PXDC1: variants seen among roughly 807,000 people sequenced by gnomAD.
The protein encoded by PXDC1 is PX domain containing 1, also known as PX domain-containing protein 1.
PXDC1 carries 13 observed loss-of-function variants against 24.4 expected under a neutral mutation model. The observed-to-expected ratio is 0.53, with a 90% confidence interval of 0.35 to 0.85. The LOEUF is 0.85. Ranked by LOEUF, PXDC1 falls within the 40% of genes least tolerant of loss-of-function variation. The pLI, the probability that PXDC1 is intolerant of heterozygous loss-of-function variation, is 0.01. For missense variants in PXDC1, 344 were observed against 309.3 expected, an observed-to-expected ratio of 1.11 and a Z score of -0.84; for synonymous variants, 162 against 124.9, an observed-to-expected ratio of 1.30 and a Z score of -1.98.
intron 1 of PXDC1, chr6:3,739,176 A>G: frequency 9.2e-7 from 1 of 1,081,336 alleles, no homozygotes; most frequent in East Asian, 6.7e-5. Context: ...AAGAGAGATA[A>G]AAAAAGATTT....
At chr6:3,750,810 C>G (rs1436929312) in intron 1 of PXDC1, among the ~76,000 whole-genome samples, 3 of 152,148 alleles carry the variant, frequency 2.0e-5, no homozygotes, top group Non-Finnish European at 4.4e-5. Flanking sequence ...GCGGGGAGAA[C>G]TCGGGGCGGC....
intron 1 of PXDC1, among the ~76,000 whole-genome samples, chr6:3,750,840 C>G (rs1341353156): frequency 6.6e-6 from 1 of 152,002 alleles, no homozygotes; most frequent in Non-Finnish European, 1.5e-5. Context: ...CGACGCGACC[C>G]CCGGCTCGGA....
rs1008042114 is a variant in PXDC1 at position 3,738,702 on chromosome 6, T to C, written c.257-554A>G. 8.2e-6 allele frequency: 9 copies of C among 1,101,802 alleles called. No individual in the cohort carries two copies. In the African/African-American group the frequency reaches 1.1e-4, roughly 14 times the overall value. 68.3% of individuals were successfully genotyped at this position (1,101,802 alleles called of 1,614,324 possible). ...ACAAAACCAAAGTGGACACGACTCA[T>C]GCCACTTTCCAGGAATCTGGGCCTC... On this transcript the variant is annotated intron_variant, in intron 1 of 4. Transcript: ENST00000380283.
chr6:3,750,911 G>A (rs1051820467), intron 1 of PXDC1, among the ~76,000 whole-genome samples: 19 of 152,038 alleles, frequency 1.2e-4, no homozygotes, highest in African/African-American at 4.3e-4. Context: ...CCCTCGGGAG[G>A]TACCGGGCAG....
At chr6:3,730,305 G>A (rs549965272) in intron 3 of PXDC1, among the ~76,000 whole-genome samples, 51 of 152,278 alleles carry the variant, frequency 3.3e-4, no homozygotes, top group African/African-American at 1.1e-3. Flanking sequence ...GCAACCTCTG[G>A]AACATTTATT....
chr6:3,739,805 A>G (rs2127600830), intron 1 of PXDC1, among the ~76,000 whole-genome samples: 1 of 152,348 alleles, frequency 6.6e-6, no homozygotes, highest in Non-Finnish European at 1.5e-5. Flanking sequence ...CGCAATTTAC[A>G]TAGAATTTCA....
intron 3 of PXDC1, among the ~76,000 whole-genome samples, chr6:3,735,434 A>G (rs1760292447): frequency 1.3e-5 from 2 of 152,276 alleles, no homozygotes; most frequent in African/African-American, 2.4e-5. Context: ...CAGCCATTAA[A>G]AAGAATGAAA....
In PXDC1 at chr6:3,751,286, C is replaced by T. The variant is rs765927477; in HGVS notation, c.246G>A (p.Pro82=). Residue 82 remains proline (P), a synonymous_variant, in exon 1 of 5, where the codon CCG becomes CCA. Transcript: ENST00000380283. ...TCCCCGGCCCCGCACCTTGCCGCAG[C>T]GGCCCCTGCGCCAGTTCGGACCGGT... The part of the protein sequence containing the change: ...PEDRSELAQG[P]LRQGLVAIKE... 4 of 1,520,016 alleles carry T rather than the reference C, an allele frequency of 2.6e-6. No homozygotes were observed. Among genetic ancestry groups the T allele is most frequent in the South Asian group, 1.2e-5 (1 of 82,092 alleles). The allele number at this position is 1,520,016 out of a possible 1,614,324, so 94.2% of individuals were successfully genotyped here.
rs1326402254 is a variant in PXDC1, at chr6:3,751,183, G to C, written c.256+93C>G. The C allele has an allele frequency of 5.0e-6, 5 of 1,003,190 alleles. No individual in the cohort carries two copies. In the Admixed American group the frequency reaches 1.4e-4, roughly 29 times the overall value. The allele number at this position is 1,003,190 out of a possible 1,614,324, so 62.1% of individuals were successfully genotyped here. A position where few individuals can be genotyped will look rare whatever the true frequency, so the allele number is the denominator to read the frequency against. On this transcript the variant is annotated intron_variant, in intron 1 of 4. Coordinates refer to ENST00000380283, the MANE Select transcript of PXDC1 (RefSeq NM_183373.4). ...TGTCCAGGGCGGGCAGAAAGGAGAA[G>C]TCGCAATCTCGGTTGAAGTCTCTTC...
chr6:3,735,914 T>TA (rs1760306499), intron 3 of PXDC1, among the ~76,000 whole-genome samples: 1 of 151,520 alleles, frequency 6.6e-6, no homozygotes, highest in Non-Finnish European at 1.5e-5. Flanking sequence ...AACAAAAAAG[T>TA]AAAAAACAAA....
intron 4 of PXDC1, among the ~76,000 whole-genome samples, chr6:3,726,280 A>C (rs1385536369): frequency 6.6e-6 from 1 of 152,206 alleles, no homozygotes; most frequent in Non-Finnish European, 1.5e-5. Context: ...ACTACACTCC[A>C]GCCTTGTACC....
At chr6:3,727,495 A>G in intron 4 of PXDC1, 56 bp downstream of exon 4, 2 of 1,293,624 alleles carry the variant, frequency 1.5e-6, no homozygotes, top group East Asian at 2.3e-5. Context: ...CCCCCATCCC[A>G]CAAGGCAAAT....
rs3832387 is a variant in PXDC1, at chr6:3,722,910, GA to G, written c.*708del. The G allele has an allele frequency of 0.49, 74,413 of 151,946 alleles. 20,070 individuals are homozygous for G. The highest frequency in any genetic ancestry group is 0.61 in the Non-Finnish European group (41,308 of 67,978). The allele number at this position is 151,946 out of a possible 1,614,324, so 9.4% of individuals were successfully genotyped here. On this transcript the variant is annotated 3_prime_UTR_variant, in exon 5 of 5. Coordinates refer to ENST00000380283, the MANE Select transcript of PXDC1 (RefSeq NM_183373.4). ...AAGGCCCAGAGACCTGGCAGGCCGG[GA>G]AGAAATTCCTTTCCTTTGGGAAGAA...
rs575889639 is a variant in PXDC1 at position 3,751,588 on chromosome 6, G to A, written c.-57C>T. On this transcript the variant is annotated 5_prime_UTR_variant, in exon 1 of 5. Coordinates refer to ENST00000380283, the MANE Select transcript of PXDC1 (RefSeq NM_183373.4). ...AGCCCCGCCGCCCGCCCGCCCGCAG[G>A]AGGCGCGCCCCGGCCGGGGTCGTCC... The A allele has an allele frequency of 1.4e-6, 2 of 1,441,206 alleles. No homozygotes were observed. The highest frequency in any genetic ancestry group is 1.5e-5 in the African/African-American group (1 of 67,120). 89.3% of individuals were successfully genotyped at this position (1,441,206 alleles called of 1,614,324 possible). A position where few individuals can be genotyped will look rare whatever the true frequency, so the allele number is the denominator to read the frequency against.
At chr6:3,745,797 A>C (rs1436849827) in intron 1 of PXDC1, among the ~76,000 whole-genome samples, 1 of 152,298 alleles carries the variant, frequency 6.6e-6, no homozygotes, top group Non-Finnish European at 1.5e-5. Flanking sequence ...TATGAACTGC[A>C]AGCTCTTCCC....
In PXDC1 at chr6:3,723,375, G is replaced by A. The variant is rs79944865; in HGVS notation, c.*244C>T. ...ACCAAGCAGGGAGTGAAGACCCTCA[G>A]AACACAGGCCCTGTGGCCTCCGGCT... On this transcript the variant is annotated 3_prime_UTR_variant, in exon 5 of 5. Transcript: ENST00000380283. The A allele has an allele frequency of 0.015, 8,178 of 553,578 alleles. 76 individuals carry two copies. Among genetic ancestry groups the A allele is most frequent in the Non-Finnish European group, 0.022 (6,685 of 309,462 alleles). 34.3% of individuals were successfully genotyped at this position (553,578 alleles called of 1,614,324 possible). A position where few individuals can be genotyped will look rare whatever the true frequency, so the allele number is the denominator to read the frequency against.
intron 1 of PXDC1, among the ~76,000 whole-genome samples, chr6:3,743,351 C>T (rs1202325503): frequency 6.6e-6 from 1 of 152,132 alleles, no homozygotes; most frequent in East Asian, 1.9e-4. Context: ...GCAAAGTGAG[C>T]TTTAACAAAC....
In PXDC1 at chr6:3,738,158, A is replaced by G. The variant is rs193001782; in HGVS notation, c.257-10T>C. Reference sequence around the variant, plus strand: ...TTTATGGCAACCAGTCCTAGAATTGAGACAGAAATGCTCAAAGTCAGAATA... The same window carrying G: ...TTTATGGCAACCAGTCCTAGAATTGGGACAGAAATGCTCAAAGTCAGAATA... On this transcript the variant is annotated splice_polypyrimidine_tract_variant and intron_variant, in intron 1 of 4. Transcript: ENST00000380283. 4.4e-5 allele frequency: 70 copies of G among 1,608,208 alleles called. No individual in the cohort carries two copies. In the East Asian group the frequency reaches 1.4e-3, roughly 32 times the overall value.
intron 3 of PXDC1, among the ~76,000 whole-genome samples, chr6:3,731,235 A>G (rs1760188644): frequency 6.6e-6 from 1 of 152,242 alleles, no homozygotes; most frequent in African/African-American, 2.4e-5. Flanking sequence ...GATGAGTCCA[A>G]ACAGCCGTAT....
Sources: gnomAD v4.1 joint callset for allele counts (sites outside exome capture counted in the v4.1 genomes callset) on GRCh38, gnomAD v4.1.1 for gene constraint, MANE v1.5 for transcripts, NCBI Gene and HGNC (gene_info 2026-07-23, HGNC 2026-07-21) for gene names.